Variants in FRMPD4 observed in about 807,000 individuals in gnomAD.
The protein encoded by FRMPD4 is FERM and PDZ domain containing 4, also known as FERM and PDZ domain-containing protein 4.
Under a neutral mutation model 94.1 loss-of-function variants are expected in FRMPD4, and 22 were observed. The observed-to-expected ratio is 0.23, with a 90% confidence interval of 0.17 to 0.33. The LOEUF (loss-of-function observed/expected upper bound fraction) is 0.33. FRMPD4 is among the 10% of genes least tolerant of loss of function. FRMPD4 has a pLI of 1.00. For missense variants in FRMPD4, 1,111 were observed against 1,339.9 expected, an observed-to-expected ratio of 0.83 and a Z score of 2.67; for synonymous variants, 631 against 548.6, an observed-to-expected ratio of 1.15 and a Z score of -2.10.
chrX:11,967,059 A>AAAAAGAAAAG (rs377304433), intron 3 of FRMPD4, among the ~76,000 whole-genome samples: 1,800 of 112,160 alleles, frequency 0.016, 7 homozygotes, highest in African/African-American at 0.021. Context: ...AGCAAAAAGA[A>AAAAAGAAAAG]AAAAGAAAAG....
At chrX:12,521,909 TAAA>T (rs59419702) in intron 2 of FRMPD4, among the ~76,000 whole-genome samples, 1 of 101,499 alleles carries the variant, frequency 9.9e-6, no homozygotes, top group African/African-American at 3.6e-5. Context: ...TGAAGAAAGA[TAAA>T]AAAAAAAAAC....
At chrX:12,292,938 C>A (rs2054711717) in intron 1 of FRMPD4, among the ~76,000 whole-genome samples, 1 of 107,524 alleles carries the variant, frequency 9.3e-6, no homozygotes, top group African/African-American at 3.4e-5. Flanking sequence ...ACATATACAT[C>A]TTAATATTCT....
At chrX:12,680,353 T>C (rs2059957420) in intron 5 of FRMPD4, among the ~76,000 whole-genome samples, 1 of 112,537 alleles carries the variant, frequency 8.9e-6, no homozygotes, top group South Asian at 3.7e-4. Flanking sequence ...TCAGAATTAA[T>C]TCAGCAGGCT....
At chrX:12,498,549 T>G in intron 1 of FRMPD4, 131 bp from the exon 2 acceptor site, 26 of 534,526 alleles carry the variant, frequency 4.9e-5, no homozygotes, top group East Asian at 1.0e-4. Flanking sequence ...AATGTGTCGA[T>G]TTTTGTTGCA....
chrX:11,861,140 G>A (rs1010794318), intron 1 of FRMPD4, among the ~76,000 whole-genome samples: 1 of 111,839 alleles, frequency 8.9e-6, no homozygotes, highest in African/African-American at 3.2e-5. Context: ...AGAGGCATAT[G>A]CTCTAATATG....
intron 1 of FRMPD4, among the ~76,000 whole-genome samples, chrX:11,828,672 A>G (rs2053457858): frequency 1.8e-5 from 2 of 112,147 alleles, no homozygotes; most frequent in Non-Finnish European, 3.8e-5. Flanking sequence ...TTGCTAGCCC[A>G]CTGTTCCGAG....
At chrX:12,350,033 T>C (rs1156401678) in intron 1 of FRMPD4, among the ~76,000 whole-genome samples, 1 of 111,602 alleles carries the variant, frequency 9.0e-6, no homozygotes, top group Non-Finnish European at 1.9e-5. Context: ...TGATTTCTCT[T>C]AGAGTTGATT....
At chrX:12,122,120 G>T (rs1216650985) in intron 3 of FRMPD4, among the ~76,000 whole-genome samples, 2 of 111,780 alleles carry the variant, frequency 1.8e-5, no homozygotes, top group Non-Finnish European at 3.8e-5. Flanking sequence ...CTAGAAAGTG[G>T]CAGGAGTAGG....
chrX:12,322,838 A>C (rs2055227368), intron 1 of FRMPD4, among the ~76,000 whole-genome samples: 1 of 111,444 alleles, frequency 9.0e-6, no homozygotes, highest in Admixed American at 9.6e-5. Flanking sequence ...TGAAACTTTC[A>C]TTTATTATCA....
At chrX:12,328,854 G>T (rs182571385) in intron 1 of FRMPD4, among the ~76,000 whole-genome samples, 2 of 111,801 alleles carry the variant, frequency 1.8e-5, no homozygotes, top group Admixed American at 1.9e-4. Flanking sequence ...ATACAGTTCA[G>T]GTATTAGAAA....
chrX:12,229,189 G>A (rs1195021379), intron 1 of FRMPD4, among the ~76,000 whole-genome samples: 1 of 111,801 alleles, frequency 8.9e-6, no homozygotes, highest in Non-Finnish European at 1.9e-5. Context: ...GGCTAAAATT[G>A]TGATGTGAGC....
chrX:11,935,072 A>ATTTTTTTT (rs753999126), intron 3 of FRMPD4, among the ~76,000 whole-genome samples: 27 of 40,113 alleles, frequency 6.7e-4, no homozygotes, highest in Non-Finnish European at 1.0e-3. Flanking sequence ...ACTATTGGTG[A>ATTTTTTTT]TTTTTTTTTT....
intron 3 of FRMPD4, among the ~76,000 whole-genome samples, chrX:12,045,273 G>A (rs2054779287): frequency 9.0e-6 from 1 of 111,638 alleles, no homozygotes; most frequent in South Asian, 3.8e-4. Flanking sequence ...TATGGAAAAG[G>A]TTTGCAAGCC....
chrX:12,425,696 A>G (rs1340795824), intron 1 of FRMPD4, among the ~76,000 whole-genome samples: 2 of 111,831 alleles, frequency 1.8e-5, no homozygotes, highest in Non-Finnish European at 3.8e-5. Flanking sequence ...CCTACAATGC[A>G]TGCGGCAACT....
At chrX:11,883,429 G>A (rs2053824921) in intron 3 of FRMPD4, among the ~76,000 whole-genome samples, 1 of 111,413 alleles carries the variant, frequency 9.0e-6, no homozygotes, top group African/African-American at 3.3e-5. Context: ...ATGGCATTTT[G>A]GTAAAAGGCT....
intron 1 of FRMPD4, among the ~76,000 whole-genome samples, chrX:12,432,594 G>A (rs1216685566): frequency 8.9e-6 from 1 of 111,978 alleles, no homozygotes; most frequent in Non-Finnish European, 1.9e-5. Flanking sequence ...TCTGGCTGTG[G>A]GCCAGAGGCT....
At chrX:12,308,850 A>G (rs763462501) in intron 1 of FRMPD4, among the ~76,000 whole-genome samples, 34 of 112,956 alleles carry the variant, frequency 3.0e-4, no homozygotes, top group African/African-American at 1.0e-3. Flanking sequence ...TTTAATAAAA[A>G]TCTTGACCAA....
At chrX:12,647,659 C>T (rs779515251) in intron 4 of FRMPD4, among the ~76,000 whole-genome samples, 1 of 112,037 alleles carries the variant, frequency 8.9e-6, no homozygotes, top group African/African-American at 3.2e-5. Flanking sequence ...ATGGCCTTAA[C>T]AATTAACCTC....
intron 3 of FRMPD4, among the ~76,000 whole-genome samples, chrX:11,905,868 C>T (rs5935181): frequency 0.28 from 30,887 of 110,287 alleles, 3,743 homozygotes; most frequent in East Asian, 0.62. Flanking sequence ...AGTTTTTGAA[C>T]GGACAATACT....
Sources: allele counts gnomAD v4.1 joint callset (sites outside exome capture counted in the v4.1 genomes callset), GRCh38; gene constraint gnomAD v4.1.1; transcripts MANE v1.5; gene names NCBI Gene and HGNC (gene_info 2026-07-23, HGNC 2026-07-21).